RGS6: variants seen among roughly 807,000 people sequenced by gnomAD.
RGS6 encodes the protein regulator of G protein signaling 6, also known as regulator of G-protein signaling 6.
A neutral mutation model predicts 78.5 loss-of-function variants in RGS6; 30 were observed. The observed-to-expected ratio is 0.38, with a 90% confidence interval of 0.29 to 0.52. The LOEUF is 0.52. RGS6 is among the 20% of genes least tolerant of loss of function. The probability of loss-of-function intolerance (pLI) is 0.85; values close to 1 mark genes in which losing one functional copy is unlikely to be tolerated. For missense variants in RGS6, 495 were observed against 609.7 expected (o/e 0.81, Z 1.98); for synonymous variants, 206 against 206.0 (o/e 1.00, Z 0.00).
intron 2 of RGS6, among the ~76,000 whole-genome samples, chr14:72,299,988 A>G (rs955893507): frequency 6.6e-6 from 1 of 151,730 alleles, no homozygotes. Context: ...TTAATTTTAT[A>G]TTTCATTTCT....
intron 12 of RGS6, among the ~76,000 whole-genome samples, chr14:72,483,729 C>G (rs991947135): frequency 6.6e-6 from 1 of 151,890 alleles, no homozygotes; most frequent in Non-Finnish European, 1.5e-5. Context: ...AAAAAAAGAC[C>G]GGAGGTATCA....
At chr14:72,289,698 A>C (rs951451760) in intron 2 of RGS6, among the ~76,000 whole-genome samples, 2 of 152,274 alleles carry the variant, frequency 1.3e-5, no homozygotes, top group East Asian at 3.9e-4. Context: ...AGGTCTTCTG[A>C]CTCTACATCC....
chr14:72,502,574 G>C (rs1284371699), intron 13 of RGS6, among the ~76,000 whole-genome samples: 1 of 152,168 alleles, frequency 6.6e-6, no homozygotes, highest in Non-Finnish European at 1.5e-5. Context: ...GACCAGCCTG[G>C]CCAACATGGT....
chr14:71,967,779 T>C (rs769912487), intron 2 of RGS6, among the ~76,000 whole-genome samples: 5 of 152,232 alleles, frequency 3.3e-5, no homozygotes, highest in Non-Finnish European at 7.3e-5. Flanking sequence ...GGGTAAACTT[T>C]CGAGTAATAA....
intron 2 of RGS6, among the ~76,000 whole-genome samples, chr14:72,276,361 G>A (rs1037045557): frequency 6.6e-6 from 1 of 152,128 alleles, no homozygotes; most frequent in African/African-American, 2.4e-5. Context: ...TCTGGGTTGG[G>A]AGTGGTGAAA....
chr14:71,957,002 A>G (rs1400247762), intron 1 of RGS6, among the ~76,000 whole-genome samples: 1 of 152,192 alleles, frequency 6.6e-6, no homozygotes, highest in Non-Finnish European at 1.5e-5. Flanking sequence ...TGAACAGAGG[A>G]AGGGTGGACA....
chr14:72,153,222 C>T (rs2096719581), intron 2 of RGS6, among the ~76,000 whole-genome samples: 2 of 152,180 alleles, frequency 1.3e-5, no homozygotes, highest in African/African-American at 2.4e-5. Flanking sequence ...CTTTGAGGGT[C>T]CTTTTTGGAG....
At chr14:72,588,263 A>G in the RGS6 span, among the ~76,000 whole-genome samples, 1 of 152,118 alleles carries the variant, frequency 6.6e-6, no homozygotes, top group African/African-American at 2.4e-5. Context: ...TATCATAAAT[A>G]TTGTAAAAGG....
chr14:71,911,582 T>G, the RGS6 span, among the ~76,000 whole-genome samples: 1 of 152,234 alleles, frequency 6.6e-6, no homozygotes, highest in Non-Finnish European at 1.5e-5. Context: ...TTGAGATTAA[T>G]TGCCATTAGA....
chr14:72,127,459 A>C (rs904187882), intron 2 of RGS6, among the ~76,000 whole-genome samples: 1 of 152,226 alleles, frequency 6.6e-6, no homozygotes, highest in African/African-American at 2.4e-5. Context: ...GAAAAACAAG[A>C]TAATTCTTAA....
chr14:71,933,942 A>T lies in RGS6; in HGVS notation c.-21+1001A>T, dbSNP rs550491387. ...TTTGTGTGTGTATGGTCTGTCAAAA[A>T]GTGTTAAGACTGAAAGGAAACTGTT... is the stretch of plus-strand genomic sequence containing the variant. On this transcript the variant is annotated intron_variant, in intron 1 of 17. Coordinates refer to ENST00000553525, the MANE Select transcript of RGS6 (RefSeq NM_001204424.2). Among the ~76,000 whole-genome samples the T allele has an allele frequency of 2.6e-5, 4 of 152,314 alleles. No homozygotes were observed. The South Asian group carries it at 8.3e-4, about 32-fold the overall frequency.
chr14:72,241,369 C>G (rs1002267001), intron 2 of RGS6, among the ~76,000 whole-genome samples: 1 of 152,142 alleles, frequency 6.6e-6, no homozygotes, highest in African/African-American at 2.4e-5. Context: ...GTCTTCTGAT[C>G]CAGCTCTCCA....
At chr14:71,899,398 T>G in the RGS6 span, among the ~76,000 whole-genome samples, 4 of 152,222 alleles carry the variant, frequency 2.6e-5, no homozygotes, top group Non-Finnish European at 4.4e-5. Flanking sequence ...TTCCCCCACT[T>G]TCCTACTTCA....
intron 2 of RGS6, among the ~76,000 whole-genome samples, chr14:72,185,741 C>G (rs1320605082): frequency 6.6e-6 from 1 of 152,132 alleles, no homozygotes; most frequent in Non-Finnish European, 1.5e-5. Context: ...CCCAGGAGTT[C>G]CAAACCAGCC....
chr14:72,020,898 T>C (rs893013785), intron 2 of RGS6, among the ~76,000 whole-genome samples: 6 of 151,874 alleles, frequency 4.0e-5, no homozygotes, highest in Non-Finnish European at 7.4e-5. Flanking sequence ...AGAAATGGAG[T>C]CCGAGTAGAG....
chr14:71,975,752 C>T (rs752339924), intron 2 of RGS6, among the ~76,000 whole-genome samples: 3 of 152,134 alleles, frequency 2.0e-5, no homozygotes, highest in African/African-American at 4.8e-5. Context: ...CCACCATGCC[C>T]GACTGTGCTT....
At chr14:72,504,420 C>T (rs2096769275) in intron 13 of RGS6, among the ~76,000 whole-genome samples, 1 of 152,208 alleles carries the variant, frequency 6.6e-6, no homozygotes, top group South Asian at 2.1e-4. Context: ...TCGTTGCTTG[C>T]AAGTTTTACC....
At chr14:72,588,034 A>G in the RGS6 span, among the ~76,000 whole-genome samples, 127,727 of 152,148 alleles carry the variant, frequency 0.84, 53,792 homozygotes, top group East Asian at 0.92. Flanking sequence ...AGAAAGAGGC[A>G]GCCCTTTTGG....
At chr14:72,156,453 C>CAAAA (rs11332387) in intron 2 of RGS6, among the ~76,000 whole-genome samples, 2 of 76,768 alleles carry the variant, frequency 2.6e-5, no homozygotes, top group African/African-American at 1.1e-4. Flanking sequence ...GACTCCATCT[C>CAAAA]AAAAAAAAAA....
Sources: gnomAD v4.1 joint callset for allele counts (sites outside exome capture counted in the v4.1 genomes callset) on GRCh38, gnomAD v4.1.1 for gene constraint, MANE v1.5 for transcripts, NCBI Gene and HGNC (gene_info 2026-07-23, HGNC 2026-07-21) for gene names.